Variants in INPP4B observed in about 807,000 individuals in gnomAD.
The protein encoded by INPP4B is inositol polyphosphate-4-phosphatase type II B.
Under a neutral mutation model 122.5 loss-of-function variants are expected in INPP4B, and 55 were observed. That is an observed-to-expected ratio of 0.45 (90% CI 0.36 to 0.56). The LOEUF is 0.56. Ranked by LOEUF, INPP4B falls within the 20% of genes least tolerant of loss-of-function variation. The pLI is 0.00. For missense variants in INPP4B, 1,000 were observed against 1,097.7 expected (o/e 0.91, Z 1.26); for synonymous variants, 403 against 388.7 (o/e 1.04, Z -0.43).
chr4:142,050,186 G>C (rs1174815607), intron 25 of INPP4B, among the ~76,000 whole-genome samples: 1 of 151,904 alleles, frequency 6.6e-6, no homozygotes, highest in Non-Finnish European at 1.5e-5. Context: ...CTGCTGCCAA[G>C]AAGTTGGCTA....
intron 12 of INPP4B, among the ~76,000 whole-genome samples, chr4:142,230,913 C>T (rs772446089): frequency 3.3e-5 from 5 of 152,130 alleles, no homozygotes; most frequent in Non-Finnish European, 7.4e-5. Context: ...AACATTTCCT[C>T]CTTGTGAATT....
At position 142,103,019 on chromosome 4, in the gene INPP4B, A is replaced by G. The variant is rs1483433402; in HGVS notation, c.2374+5074T>C. Among the ~76,000 whole-genome samples, 3 of 152,060 alleles carry G rather than the reference A, an allele frequency of 2.0e-5. 1 individual carries two copies. The highest frequency in any genetic ancestry group is 6.6e-5 in the Admixed American group (1 of 15,224). On this transcript the variant is annotated intron_variant, in intron 23 of 25. Coordinates refer to ENST00000262992, the MANE Select transcript of INPP4B (RefSeq NM_001101669.3). Reference sequence around the variant, plus strand: ...TAAGTTTCCTAAGGGAGTAGCTTTCACCACTCTGTTTCTCTGATTATACAA... The same window carrying G: ...TAAGTTTCCTAAGGGAGTAGCTTTCGCCACTCTGTTTCTCTGATTATACAA...
At chr4:142,598,740 G>T (rs1357036044) in intron 2 of INPP4B, among the ~76,000 whole-genome samples, 1 of 152,156 alleles carries the variant, frequency 6.6e-6, no homozygotes, top group Non-Finnish European at 1.5e-5. Context: ...TTTGTGCTTG[G>T]CCTTGTAAGC....
At chr4:142,447,181 G>A (rs904687843) in intron 3 of INPP4B, among the ~76,000 whole-genome samples, 1 of 152,172 alleles carries the variant, frequency 6.6e-6, no homozygotes, top group African/African-American at 2.4e-5. Context: ...CATGTGTCAA[G>A]GAAGTTGTAT....
chr4:142,093,896 A>AG, intron 23 of INPP4B, among the ~76,000 whole-genome samples: 1 of 152,084 alleles, frequency 6.6e-6, no homozygotes, highest in Non-Finnish European at 1.5e-5. Context: ...AGCAAAAGGA[A>AG]AAAAACAAAC....
At chr4:142,391,471 A>G (rs1246150394) in intron 7 of INPP4B, among the ~76,000 whole-genome samples, 2 of 152,184 alleles carry the variant, frequency 1.3e-5, no homozygotes, top group African/African-American at 4.8e-5. Flanking sequence ...CTGAGGCAGG[A>G]GAATCGCTTG....
At chr4:142,566,348 T>A (rs952406257) in intron 2 of INPP4B, among the ~76,000 whole-genome samples, 34 of 152,114 alleles carry the variant, frequency 2.2e-4, no homozygotes, top group African/African-American at 7.7e-4. Context: ...AGAAATAATA[T>A]GAAGAATAAT....
intron 5 of INPP4B, among the ~76,000 whole-genome samples, chr4:142,421,837 A>C (rs537211893): frequency 1.3e-5 from 2 of 152,130 alleles, no homozygotes; most frequent in Middle Eastern, 3.4e-3. Flanking sequence ...GCGCTTCCAT[A>C]GTTTTTGGTT....
chr4:142,104,419 G>A (rs959847537), intron 23 of INPP4B, among the ~76,000 whole-genome samples: 1 of 152,172 alleles, frequency 6.6e-6, no homozygotes, highest in Non-Finnish European at 1.5e-5. Flanking sequence ...CCAACAGGAA[G>A]ATTAGAGTGA....
chr4:142,222,906 T>C (rs542186443), intron 12 of INPP4B, among the ~76,000 whole-genome samples: 2 of 152,218 alleles, frequency 1.3e-5, no homozygotes, highest in African/African-American at 4.8e-5. Flanking sequence ...AGAACTATCA[T>C]AGTAGCTCTG....
chr4:142,553,820 A>G (rs1728514371), intron 2 of INPP4B, among the ~76,000 whole-genome samples: 1 of 152,158 alleles, frequency 6.6e-6, no homozygotes, highest in Non-Finnish European at 1.5e-5. Context: ...CCAGGTCAAG[A>G]CATACCTTCC....
chr4:142,806,836 AAAGAAAGAAAGAAAG>A (rs1778913309), intron 1 of INPP4B, among the ~76,000 whole-genome samples: 5 of 150,106 alleles, frequency 3.3e-5, no homozygotes, highest in African/African-American at 1.2e-4. Flanking sequence ...AGAAAGAAAG[AAAGAAAGAAAGAAAG>A]GAGAAGAAAA....
rs564416011 is a variant in INPP4B at position 142,641,051 on chromosome 4, G to C, written c.-191+84788C>G. Among the ~76,000 whole-genome samples the C allele has an allele frequency of 2.6e-5, 4 of 152,102 alleles. No homozygotes were observed. In the East Asian group the frequency reaches 7.8e-4, roughly 29 times the overall value. On this transcript the variant is annotated intron_variant, in intron 2 of 25. Transcript: ENST00000262992. Reference sequence around the variant, plus strand: ...AACGTTGCAGGTAAACATAACCTAAGATGTAATAATTGCACTCCTAGGTAT... The same window carrying C: ...AACGTTGCAGGTAAACATAACCTAACATGTAATAATTGCACTCCTAGGTAT...
At chr4:142,370,559 A>G (rs1789505289) in intron 7 of INPP4B, among the ~76,000 whole-genome samples, 1 of 152,086 alleles carries the variant, frequency 6.6e-6, no homozygotes, top group Non-Finnish European at 1.5e-5. Flanking sequence ...TAAAGACTCT[A>G]CCAAAAAAAA....
At chr4:142,123,486 G>C (rs1797430264) in intron 19 of INPP4B, 71 bp from the exon 20 acceptor site, 1 of 1,447,144 alleles carries the variant, frequency 6.9e-7, no homozygotes, top group Non-Finnish European at 9.5e-7. Flanking sequence ...AATATTTTAA[G>C]ACTTCTGAGG....
At chr4:142,824,803 TAA>T (rs34045920) in intron 1 of INPP4B, among the ~76,000 whole-genome samples, 3,234 of 149,190 alleles carry the variant, frequency 0.022, 108 homozygotes, top group African/African-American at 0.074. Flanking sequence ...CCTTTTTTGT[TAA>T]AAAAAAAAGT....
intron 9 of INPP4B, among the ~76,000 whole-genome samples, chr4:142,303,190 G>A (rs764062175): frequency 1.3e-5 from 2 of 152,084 alleles, no homozygotes; most frequent in Non-Finnish European, 2.9e-5. Flanking sequence ...TGACACGGAA[G>A]CTACATAAAT....
At chr4:142,393,258 G>A (rs1369080789) in intron 7 of INPP4B, among the ~76,000 whole-genome samples, 1 of 152,064 alleles carries the variant, frequency 6.6e-6, no homozygotes, top group African/African-American at 2.4e-5. Context: ...AAAAATTATG[G>A]GAGGCCATTG....
In INPP4B at chr4:142,026,985, T is replaced by C. The variant is rs1737207225; in HGVS notation, c.*1797A>G. ...TCATCCCAGCCTATCTTAAATCTAA[T>C]AGGGTAATGAAAATAACCACAAATC... On this transcript the variant is annotated 3_prime_UTR_variant, in exon 26 of 26. Transcript: ENST00000262992. 6.6e-6 allele frequency: 1 copy of C among 151,886 alleles called. No individual in the cohort carries two copies. The highest frequency in any genetic ancestry group is 1.5e-5 in the Non-Finnish European group (1 of 68,006). The allele number at this position is 151,886 out of a possible 1,614,324, so 9.4% of individuals were successfully genotyped here. A position where few individuals can be genotyped will look rare whatever the true frequency, so the allele number is the denominator to read the frequency against.
Sources: gnomAD v4.1 joint callset for allele counts (sites outside exome capture counted in the v4.1 genomes callset) on GRCh38, gnomAD v4.1.1 for gene constraint, MANE v1.5 for transcripts, NCBI Gene and HGNC (gene_info 2026-07-23, HGNC 2026-07-21) for gene names.